APOLD1: variants seen among roughly 807,000 people sequenced by gnomAD.
APOLD1 encodes the protein apolipoprotein L domain containing 1.
Under a neutral mutation model 15.3 loss-of-function variants are expected in APOLD1, and 22 were observed. That is an observed-to-expected ratio of 1.44 (90% CI 1.03 to 2.05). The LOEUF (loss-of-function observed/expected upper bound fraction) is 2.05, where lower values mean the gene tolerates loss of function less well. Among genes scored for constraint, APOLD1 ranks in the 30% most tolerant of loss-of-function variants. The pLI is 0.00. For missense variants in APOLD1, 394 were observed against 353.5 expected (o/e 1.11, Z -0.92); for synonymous variants, 190 against 167.4 (o/e 1.13, Z -1.04).
intron 1 of APOLD1, among the ~76,000 whole-genome samples, chr12:12,748,954 G>C (rs1946786304): frequency 6.6e-6 from 1 of 152,222 alleles, no homozygotes; most frequent in Non-Finnish European, 1.5e-5. Flanking sequence ...TGAGACAGGA[G>C]AAAGTACTCA....
intron 1 of APOLD1, among the ~76,000 whole-genome samples, chr12:12,751,047 C>T (rs1366218449): frequency 1.3e-5 from 2 of 151,996 alleles, no homozygotes; most frequent in Non-Finnish European, 2.9e-5. Context: ...CCTTAGCCTC[C>T]CAAATTGTCA....
chr12:12,726,055 G>T (rs1946589093), exon 1 of APOLD1: 1 of 1,540,066 alleles, frequency 6.5e-7, no homozygotes. Flanking sequence ...GAAGGCGCGG[G>T]CAGGAGCCTG....
upstream of APOLD1, among the ~76,000 whole-genome samples, chr12:12,785,064 T>G (rs558456272): frequency 6.6e-6 from 1 of 152,322 alleles, no homozygotes; most frequent in South Asian, 2.1e-4. Context: ...ACCGCCAATG[T>G]CTTCTCCACA....
intron 1 of APOLD1, among the ~76,000 whole-genome samples, chr12:12,754,202 C>CAAA (rs373664204): frequency 2.6e-5 from 2 of 78,298 alleles, no homozygotes; most frequent in South Asian, 5.3e-4. Flanking sequence ...GACTCTGTCT[C>CAAA]AAAAAAAAAA....
intron 1 of APOLD1, among the ~76,000 whole-genome samples, chr12:12,749,321 T>C (rs1348552725): frequency 6.6e-6 from 1 of 152,184 alleles, no homozygotes; most frequent in East Asian, 1.9e-4. Flanking sequence ...GAGAATAGGG[T>C]CTGGAAACAG....
At chr12:12,752,606 G>T (rs1187727894) in intron 1 of APOLD1, among the ~76,000 whole-genome samples, 2 of 151,630 alleles carry the variant, frequency 1.3e-5, no homozygotes, top group African/African-American at 4.8e-5. Context: ...AAGTAGTGGA[G>T]AAAATTTAAA....
chr12:12,739,963 T>G (rs1270420926), intron 1 of APOLD1, among the ~76,000 whole-genome samples: 1 of 149,822 alleles, frequency 6.7e-6, no homozygotes. Flanking sequence ...ACTACAGGTG[T>G]GCACTGCCAC....
chr12:12,783,244 T>C (rs1031569919), upstream of APOLD1, among the ~76,000 whole-genome samples: 15 of 152,262 alleles, frequency 9.9e-5, no homozygotes, highest in African/African-American at 3.4e-4. Context: ...AAATGCTGAA[T>C]TGAATCGCTA....
chr12:12,785,202 T>A (rs1947114913), upstream of APOLD1, among the ~76,000 whole-genome samples: 1 of 152,196 alleles, frequency 6.6e-6, no homozygotes. Flanking sequence ...ACAACGCTTT[T>A]AAAAATACAG....
chr12:12,750,003 G>A (rs1422293708), intron 1 of APOLD1, among the ~76,000 whole-genome samples: 1 of 152,120 alleles, frequency 6.6e-6, no homozygotes, highest in Non-Finnish European at 1.5e-5. Context: ...TACAGCTTAA[G>A]CTGTACTTGT....
chr12:12,761,028 A>G (rs559623014), intron 1 of APOLD1, among the ~76,000 whole-genome samples: 1 of 152,326 alleles, frequency 6.6e-6, no homozygotes, highest in Non-Finnish European at 1.5e-5. Context: ...TATAACCTAA[A>G]CCTAGAATGT....
chr12:12,727,642 A>G (rs1278268566), intron 1 of APOLD1, among the ~76,000 whole-genome samples: 1 of 151,994 alleles, frequency 6.6e-6, no homozygotes, highest in East Asian at 1.9e-4. Flanking sequence ...TCTCCCTGTC[A>G]TCCAGGCTGG....
At chr12:12,730,710 A>G (rs1320034506) in intron 1 of APOLD1, among the ~76,000 whole-genome samples, 3 of 86,356 alleles carry the variant, frequency 3.5e-5, no homozygotes, top group Non-Finnish European at 4.2e-5. Context: ...AAAGAAAGAA[A>G]AAAGTTTTTT....
At chr12:12,759,124 T>A (rs1946879523) in intron 1 of APOLD1, among the ~76,000 whole-genome samples, 1 of 152,182 alleles carries the variant, frequency 6.6e-6, no homozygotes, top group African/African-American at 2.4e-5. Context: ...GCTACTCAAA[T>A]GGCATGCAAT....
At chr12:12,773,445 C>A (rs1008188687) in intron 1 of APOLD1, among the ~76,000 whole-genome samples, 1 of 151,904 alleles carries the variant, frequency 6.6e-6, no homozygotes, top group African/African-American at 2.4e-5. Flanking sequence ...TGCCTGTAGT[C>A]CAGCTACCTA....
chr12:12,736,894 T>C lies in APOLD1; in HGVS notation c.96+10798T>C, dbSNP rs531141227. 1.6e-4 allele frequency among the ~76,000 whole-genome samples: 25 copies of C among 152,322 alleles called. 1 individual carries two copies. In the South Asian group the frequency reaches 5.2e-3, roughly 32 times the overall value. On this transcript the variant is annotated intron_variant, in intron 1 of 1. Transcript: ENST00000326765. ...CTACTGAACCAGAGATCCGAAGAAG[T>C]GGACCTCGCCAGCCTCCTGCTCCAC...
chr12:12,770,874 A>C lies in APOLD1; in HGVS notation c.97-16035A>C, dbSNP rs556624791. On this transcript the variant is annotated intron_variant, in intron 1 of 1. Coordinates refer to the APOLD1 transcript ENST00000326765. The stretch of plus-strand genomic sequence containing the variant: ...AATCCATATAGAAACCAGAGGTTTA[A>C]AAAATCTTATAGAGAAGAAAAGAAT... Among the ~76,000 whole-genome samples, 13 of 152,230 alleles carry C rather than the reference A, an allele frequency of 8.5e-5. No homozygotes were observed. The East Asian group carries it at 1.5e-3, about 18-fold the overall frequency.
chr12:12,767,585 C>T (rs111340506), intron 1 of APOLD1, among the ~76,000 whole-genome samples: 7,601 of 151,602 alleles, frequency 0.05, 235 homozygotes, highest in African/African-American at 0.077. Context: ...TGCTTGAACC[C>T]GGGAGGCGGA....
At chr12:12,728,245 G>A (rs1295398203) in intron 1 of APOLD1, among the ~76,000 whole-genome samples, 1 of 152,170 alleles carries the variant, frequency 6.6e-6, no homozygotes, top group Non-Finnish European at 1.5e-5. Context: ...GGGATTACAG[G>A]TGTGAGCCAC....
Sources: allele counts gnomAD v4.1 joint callset (sites outside exome capture counted in the v4.1 genomes callset), GRCh38; gene constraint gnomAD v4.1.1; transcripts MANE v1.5; gene names NCBI Gene and HGNC (gene_info 2026-07-23, HGNC 2026-07-21).